Variants in IFI30 observed in about 807,000 individuals in gnomAD.
The protein encoded by IFI30 is IFI30 lysosomal thiol reductase, also known as gamma-interferon-inducible lysosomal thiol reductase.
IFI30 carries 26 observed loss-of-function variants against 30.1 expected under a neutral mutation model. The observed-to-expected ratio is 0.87, with a 90% CI of 0.63 to 1.20. IFI30 has a LOEUF of 1.20. Ranked by LOEUF, IFI30 falls within the 50% of genes most tolerant of loss-of-function variation. The pLI, the probability that IFI30 is intolerant of heterozygous loss-of-function variation, is 0.00. For missense variants in IFI30, 296 were observed against 312.5 expected, an observed-to-expected ratio of 0.95 and a Z score of 0.40; for synonymous variants, 149 against 134.5, an observed-to-expected ratio of 1.11 and a Z score of -0.75.
intron 1 of IFI30, 135 bp from the exon 2 acceptor site, chr19:18,174,905 C>T: frequency 1.5e-6 from 1 of 652,532 alleles, no homozygotes; most frequent in Non-Finnish European, 2.6e-6. Flanking sequence ...CAAGATTCCA[C>T]CTGGCAAGTT....
Position 18,178,064 on chromosome 19 carries a change from T to C in IFI30, c.*153T>C. The C allele has an allele frequency of 2.8e-6, 2 of 702,002 alleles. No individual in the cohort carries two copies. Among genetic ancestry groups the C allele is most frequent in the Non-Finnish European group, 5.0e-6 (2 of 402,108 alleles). The allele number at this position is 702,002 out of a possible 1,614,324, so 43.5% of individuals were successfully genotyped here. A position where few individuals can be genotyped will look rare whatever the true frequency, so the allele number is the denominator to read the frequency against. On this transcript the variant is annotated 3_prime_UTR_variant, in exon 7 of 7. Transcript: ENST00000407280. ...AGATACACAAAATTCCACCCCATGA[T>C]CAAGAATCCTGCTCCACTAAGAATG...
chr19:18,177,795 G>C lies in IFI30; in HGVS notation c.690+31G>C, dbSNP rs375751473. On this transcript the variant is annotated intron_variant, in intron 6 of 6. Coordinates refer to ENST00000407280, the MANE Select transcript of IFI30 (RefSeq NM_006332.5). Reference sequence around the variant, plus strand: ...CTGGGAGGGGAGCAGTGGGATTCAGGTGGTGGGGGTAGGGTCTCCTTCCAG... The same window carrying C: ...CTGGGAGGGGAGCAGTGGGATTCAGCTGGTGGGGGTAGGGTCTCCTTCCAG... 6 of 1,612,200 alleles carry C rather than the reference G, an allele frequency of 3.7e-6. No individual in the cohort carries two copies. The African/African-American group carries it at 8.0e-5, about 22-fold the overall frequency.
Position 18,177,737 on chromosome 19 carries a change from C to T in IFI30, c.663C>T (p.Leu221=), listed in dbSNP as rs369048103. The T allele has an allele frequency of 2.1e-5, 34 of 1,613,846 alleles. No individual in the cohort carries two copies. In the East Asian group the frequency reaches 2.5e-4, roughly 12 times the overall value. The part of the protein sequence containing the change: ...NGKPLEDQTQ[L]LTLVCQLYQG... ...AACCCTTGGAAGATCAGACCCAGCT[C>T]CTTACCCTTGTCTGCCAGTTGTACC... Residue 221 remains leucine, a synonymous_variant, in exon 6 of 7, where the codon CTC becomes CTT. Transcript: ENST00000407280.
chr19:18,177,538 C>T (rs370349675), intron 5 of IFI30, 173 bp from the exon 6 acceptor site: 20 of 826,452 alleles, frequency 2.4e-5, no homozygotes, highest in South Asian at 6.4e-5. Context: ...TGTATTAATT[C>T]GAAGTATTAA....
intron 5 of IFI30, 42 bp from the exon 6 acceptor site, chr19:18,177,669 G>A (rs1471405618): frequency 6.2e-7 from 1 of 1,608,804 alleles, no homozygotes; most frequent in Admixed American, 1.7e-5. Context: ...ATGGGTTGGG[G>A]TAGCTGCTGG....
At chr19:18,175,447 A>G in intron 3 of IFI30, 62 bp downstream of exon 3, 2 of 1,490,930 alleles carry the variant, frequency 1.3e-6, no homozygotes, top group Non-Finnish European at 1.8e-6. Context: ...CAGGAGGCAA[A>G]TACGAGGATG....
chr19:18,174,803 C>T (rs1252789858), intron 1 of IFI30: 7 of 473,994 alleles, frequency 1.5e-5, no homozygotes, highest in South Asian at 2.7e-5. Flanking sequence ...ACCAGGGAGT[C>T]GGGTGTTGCA....
At position 18,177,943 on chromosome 19, in the gene IFI30, G is replaced by A. The variant is rs1027805866; in HGVS notation, c.*32G>A. The A allele has an allele frequency of 6.4e-6, 10 of 1,563,724 alleles. No homozygotes were observed. Among genetic ancestry groups the A allele is most frequent in the Non-Finnish European group, 8.7e-6 (10 of 1,154,214 alleles). On this transcript the variant is annotated 3_prime_UTR_variant, in exon 7 of 7. Transcript: ENST00000407280. ...GTGAGCTGCGGAGAGCTCATGGAAG[G>A]CGAGTGGGAACCCGGCTGCCTGCCT...
rs371344389 is a variant in IFI30 at position 18,175,639 on chromosome 19, C to G, written c.425C>G (p.Ala142Gly). The G allele has an allele frequency of 1.9e-5, 31 of 1,610,870 alleles. No homozygotes were observed. The highest frequency in any genetic ancestry group is 3.4e-5 in the Admixed American group (2 of 59,564). ...CVLDELDMEL[A>G]FLTIVCMEEF... ...TTGGATGAACTTGACATGGAGCTAG[C>G]CTTCCTGACCATTGTCTGCATGGAA... The change falls in exon 4 of 7, where the codon GCC becomes GGC. Residue 142 changes from alanine to glycine, a missense_variant. Transcript: ENST00000407280.
Position 18,177,773 on chromosome 19 carries a change from G to A in IFI30, c.690+9G>A. On this transcript the variant is annotated intron_variant, in intron 6 of 6. Transcript: ENST00000407280. ...TCTGCCAGTTGTACCAGGTAAGCTG[G>A]GAGGGGAGCAGTGGGATTCAGGTGG... 6.2e-7 allele frequency: 1 copy of A among 1,613,456 alleles called. No individual in the cohort carries two copies. Among genetic ancestry groups the A allele is most frequent in the Non-Finnish European group, 8.5e-7 (1 of 1,179,688 alleles).
Position 18,177,231 on chromosome 19 carries a change from C to T in IFI30, c.575C>T (p.Ala192Val), listed in dbSNP as rs1967282415. 1.3e-6 allele frequency: 2 copies of T among 1,588,768 alleles called. No homozygotes were observed. Among genetic ancestry groups the T allele is most frequent in the African/African-American group, 1.3e-5 (1 of 74,488 alleles). ...GGCATGCAGCTCATGCACGCCAACGCCCAGCGGACAGATGCTCTCCAGCCA... is the reference window on the plus strand; with the variant it reads ...GGCATGCAGCTCATGCACGCCAACGTCCAGCGGACAGATGCTCTCCAGCCA... ...DRGMQLMHAN[A>V]QRTDALQPPH... Residue 192 changes from alanine to valine, a missense_variant, in exon 5 of 7, where the codon GCC becomes GTC. By Grantham distance (64) the Ala-to-Val change is moderately conservative (BLOSUM62 0). Coordinates refer to ENST00000407280, the MANE Select transcript of IFI30 (RefSeq NM_006332.5).
chr19:18,177,902 C>T lies in IFI30; in HGVS notation c.744C>T (p.Cys248=). ...PSSTSSLRSV[C]FK ...CAACCAGCTCCCTCAGGAGTGTTTGCTTCAAGTGATGGCCGGTGAGCTGCG... is the reference window on the plus strand; with the variant it reads ...CAACCAGCTCCCTCAGGAGTGTTTGTTTCAAGTGATGGCCGGTGAGCTGCG... Residue 248 remains cysteine (C), a synonymous_variant, in exon 7 of 7, where the codon TGC becomes TGT. Transcript: ENST00000407280. 2 of 1,591,032 alleles carry T rather than the reference C, an allele frequency of 1.3e-6. No homozygotes were observed. Among genetic ancestry groups the T allele is most frequent in the Non-Finnish European group, 1.7e-6 (2 of 1,168,506 alleles).
Position 18,175,124 on chromosome 19 carries a change from G to T in IFI30, c.217G>T (p.Gly73Cys). The T allele has an allele frequency of 6.2e-7, 1 of 1,613,064 alleles. No individual in the cohort carries two copies. The highest frequency in any genetic ancestry group is 8.5e-7 in the Non-Finnish European group (1 of 1,179,504). ...GACCCTCTACTATGAAGCACTGTGC[G>T]GTGGCTGCCGAGCCTTCCTGATCCG... ...NVTLYYEALC[G>C]GCRAFLIREL... is the part of the protein sequence containing the mutation. Residue 73 changes from glycine to cysteine, a missense_variant, in exon 2 of 7, where the codon GGT (glycine) becomes TGT (cysteine). Physicochemically the swap from Gly to Cys is radical, Grantham distance 159. Transcript: ENST00000407280.
intron 4 of IFI30, among the ~76,000 whole-genome samples, chr19:18,176,904 G>A (rs531121951): frequency 6.6e-6 from 1 of 152,272 alleles, no homozygotes; most frequent in South Asian, 2.1e-4. Context: ...CAGTGGGTCT[G>A]GTCTTAGGGA....
intron 3 of IFI30, 72 bp from the exon 4 acceptor site, chr19:18,175,533 A>G (rs1182625955): frequency 6.9e-7 from 1 of 1,451,458 alleles, no homozygotes; most frequent in Admixed American, 2.0e-5. Flanking sequence ...GGTACTGGTG[A>G]TTATTACGAG....
At chr19:18,175,572 C>T (rs1307806809) in intron 3 of IFI30, 33 bp from the exon 4 acceptor site, 7 of 1,574,818 alleles carry the variant, frequency 4.4e-6, no homozygotes, top group Non-Finnish European at 6.1e-6. Context: ...AGGCCCTCTT[C>T]ATGCCCTCTC....
chr19:18,176,141 CTTTTTT>C (rs71336666), intron 4 of IFI30, among the ~76,000 whole-genome samples: 45 of 56,448 alleles, frequency 8.0e-4, no homozygotes, highest in Non-Finnish European at 1.0e-3. Flanking sequence ...GCACCCAGCC[CTTTTTT>C]TTTTTTTTTT....
chr19:18,177,593 C>T (rs989782908), intron 5 of IFI30, 118 bp from the exon 6 acceptor site: 29 of 1,183,616 alleles, frequency 2.5e-5, no homozygotes, highest in South Asian at 3.9e-5. Context: ...CACTGATTTG[C>T]GAGGCGGGAG....
chr19:18,178,040 G>T lies in IFI30; in HGVS notation c.*129G>T, dbSNP rs1042896295. Reference sequence around the variant, plus strand: ...AATTTTATGCATCCCATGAAGCCCAGATACACAAAATTCCACCCCATGATC... The same window carrying T: ...AATTTTATGCATCCCATGAAGCCCATATACACAAAATTCCACCCCATGATC... On this transcript the variant is annotated 3_prime_UTR_variant, in exon 7 of 7. Transcript: ENST00000407280. The T allele has an allele frequency of 8.0e-6, 7 of 873,446 alleles. No homozygotes were observed. Among genetic ancestry groups the T allele is most frequent in the Admixed American group, 6.5e-5 (3 of 46,014 alleles). The allele number at this position is 873,446 out of a possible 1,614,324, so 54.1% of individuals were successfully genotyped here. A position where few individuals can be genotyped will look rare whatever the true frequency, so the allele number is the denominator to read the frequency against.
Sources: allele counts gnomAD v4.1 joint callset (sites outside exome capture counted in the v4.1 genomes callset), GRCh38; gene constraint gnomAD v4.1.1; transcripts MANE v1.5; gene names NCBI Gene and HGNC (gene_info 2026-07-23, HGNC 2026-07-21).